TRDN: variants seen among roughly 807,000 people sequenced by gnomAD.
TRDN encodes the protein triadin in skeletal muscle.
A neutral mutation model predicts 149.7 loss-of-function variants in TRDN; 161 were observed. The ratio of observed to expected loss-of-function variants is 1.08; its 90% CI spans 0.95 to 1.23. The LOEUF (loss-of-function observed/expected upper bound fraction) is 1.23. TRDN is among the 50% of genes most tolerant of loss of function. TRDN has a pLI of 0.00. For missense variants in TRDN, 896 were observed against 823.5 expected (o/e 1.09, Z -1.08); for synonymous variants, 294 against 250.5 (o/e 1.17, Z -1.64).
chr6:123,263,357 A>G (rs569960576), intron 33 of TRDN, among the ~76,000 whole-genome samples: 2 of 152,216 alleles, frequency 1.3e-5, no homozygotes, highest in South Asian at 4.1e-4. Context: ...GTTGGAAGCT[A>G]CCAGAGGTTG....
chr6:123,412,096 A>T (rs1321304419), intron 12 of TRDN, among the ~76,000 whole-genome samples: 1 of 152,222 alleles, frequency 6.6e-6, no homozygotes, highest in African/African-American at 2.4e-5. Flanking sequence ...AAATCAGCAA[A>T]CACTATAACG....
chr6:123,219,767 T>A (rs1234132608), intron 40 of TRDN, among the ~76,000 whole-genome samples: 1 of 151,746 alleles, frequency 6.6e-6, no homozygotes, highest in Non-Finnish European at 1.5e-5. Context: ...ACCGAAGCAA[T>A]AATACAACTT....
In TRDN at chr6:123,274,638, T is replaced by C. The variant is rs1343234777; in HGVS notation, c.1597+3A>G. On this transcript the variant is annotated splice_donor_region_variant and intron_variant, in intron 27 of 40. Transcript: ENST00000334268. The stretch of plus-strand genomic sequence containing the variant: ...AATCTATATAAAATAAAGCTCATGT[T>C]ACCTGGTTTTGCTTCTTTTTTAATT... 2.5e-6 allele frequency: 4 copies of C among 1,607,710 alleles called. No individual in the cohort carries two copies. The Admixed American group carries it at 6.7e-5, about 27-fold the overall frequency.
intron 5 of TRDN, among the ~76,000 whole-genome samples, chr6:123,522,531 T>TC (rs1180191468): frequency 6.7e-6 from 1 of 148,844 alleles, no homozygotes; most frequent in Non-Finnish European, 1.5e-5. Flanking sequence ...TTTTTTTTTT[T>TC]TTTTTTTTGC....
intron 19 of TRDN, among the ~76,000 whole-genome samples, chr6:123,374,805 A>C (rs1415346686): frequency 6.6e-6 from 1 of 151,416 alleles, no homozygotes; most frequent in Non-Finnish European, 1.5e-5. Context: ...AAAAACAAAC[A>C]AAAAAAAACC....
At chr6:123,332,232 C>A (rs140497600) in intron 22 of TRDN, among the ~76,000 whole-genome samples, 2 of 152,038 alleles carry the variant, frequency 1.3e-5, no homozygotes, top group South Asian at 2.1e-4. Flanking sequence ...TTTTAAAAAT[C>A]GCATGACTTC....
intron 1 of TRDN, among the ~76,000 whole-genome samples, chr6:123,601,704 G>A (rs772758526): frequency 2.0e-5 from 3 of 152,112 alleles, no homozygotes; most frequent in African/African-American, 7.2e-5. Flanking sequence ...GGCAATCCCA[G>A]TTTTGATCTA....
rs984674202 is a variant in TRDN, at chr6:123,528,939, T to C, written c.484+1567A>G. 1.5e-4 allele frequency: 175 copies of C among 1,166,232 alleles called. 1 individual carries two copies. The highest frequency in any genetic ancestry group is 3.5e-5 in the Non-Finnish European group (33 of 939,400). 72.2% of individuals were successfully genotyped at this position (1,166,232 alleles called of 1,614,324 possible). ...TACTCAAGAAATATATTCAGGTTGA[T>C]AATCTCCAGCTCAGTCTTTGAGAAA... On this transcript the variant is annotated intron_variant, in intron 5 of 40. Transcript: ENST00000334268.
rs557991941 is a variant in TRDN at position 123,216,512 on chromosome 6, G to T, written c.*2089C>A. The stretch of plus-strand genomic sequence containing the variant: ...AATTCTAATTACAATAAAATATATC[G>T]TTTTATCTTATCAAATAGTTTTTAT... On this transcript the variant is annotated 3_prime_UTR_variant, in exon 41 of 41. Transcript: ENST00000334268. 2.0e-5 allele frequency: 3 copies of T among 151,746 alleles called. No homozygotes were observed. The East Asian group carries it at 5.8e-4, about 30-fold the overall frequency. The allele number at this position is 151,746 out of a possible 1,614,324, so 9.4% of individuals were successfully genotyped here.
At chr6:123,333,698 T>A (rs1779752473) in intron 22 of TRDN, among the ~76,000 whole-genome samples, 1 of 152,082 alleles carries the variant, frequency 6.6e-6, no homozygotes, top group East Asian at 1.9e-4. Flanking sequence ...GTGAAGAGAT[T>A]ATTACATGGA....
chr6:123,544,919 G>A (rs1372903483), intron 4 of TRDN, among the ~76,000 whole-genome samples: 3 of 151,912 alleles, frequency 2.0e-5, no homozygotes, highest in Non-Finnish European at 4.4e-5. Flanking sequence ...GCAACCCTGA[G>A]ATTAGTCGAC....
intron 35 of TRDN, among the ~76,000 whole-genome samples, chr6:123,257,956 A>G (rs1776622035): frequency 6.6e-6 from 1 of 152,112 alleles, no homozygotes; most frequent in South Asian, 2.1e-4. Context: ...GGTGTATAGG[A>G]TCGCTTGTGA....
intron 12 of TRDN, among the ~76,000 whole-genome samples, chr6:123,401,952 G>GA (rs1322233071): frequency 0.049 from 3,683 of 74,984 alleles, 103 homozygotes; most frequent in African/African-American, 0.11. Context: ...AACTCAAAAA[G>GA]AAAAAAAAAA....
intron 26 of TRDN, among the ~76,000 whole-genome samples, chr6:123,276,439 A>G (rs938640691): frequency 6.6e-6 from 1 of 152,276 alleles, no homozygotes; most frequent in African/African-American, 2.4e-5. Flanking sequence ...CAAAGTATGG[A>G]AGGTGCAAAC....
intron 38 of TRDN, among the ~76,000 whole-genome samples, chr6:123,245,413 T>C (rs1364316171): frequency 1.3e-5 from 2 of 148,554 alleles, no homozygotes; most frequent in Non-Finnish European, 3.0e-5. Context: ...ACCAAGCAAA[T>C]GGAAAGAAAA....
chr6:123,270,389 A>G (rs908336958), intron 30 of TRDN, among the ~76,000 whole-genome samples: 6 of 151,880 alleles, frequency 4.0e-5, no homozygotes, highest in Non-Finnish European at 7.4e-5. Flanking sequence ...AACTATTTAA[A>G]TCCTTATTAT....
At chr6:123,409,550 C>T (rs906049350) in intron 12 of TRDN, among the ~76,000 whole-genome samples, 1 of 152,142 alleles carries the variant, frequency 6.6e-6, no homozygotes, top group African/African-American at 2.4e-5. Context: ...TTCATTCTTC[C>T]TACTTTTGAA....
chr6:123,224,610 C>T (rs373241599), intron 38 of TRDN, among the ~76,000 whole-genome samples: 5 of 151,742 alleles, frequency 3.3e-5, no homozygotes, highest in East Asian at 3.9e-4. Context: ...CATGCACATA[C>T]ATGAGTCAAC....
At chr6:123,417,129 CA>C (rs1773690327) in intron 12 of TRDN, among the ~76,000 whole-genome samples, 1 of 152,150 alleles carries the variant, frequency 6.6e-6, no homozygotes, top group African/African-American at 2.4e-5. Context: ...AATCATTTCT[CA>C]AGAATGAGGA....
Sources: allele counts gnomAD v4.1 joint callset (sites outside exome capture counted in the v4.1 genomes callset), GRCh38; gene constraint gnomAD v4.1.1; transcripts MANE v1.5; gene names NCBI Gene and HGNC (gene_info 2026-07-23, HGNC 2026-07-21).